The following WWOX variants were observed in gnomAD, a reference collection of about 807,000 sequenced individuals.
The protein encoded by WWOX is WW domain-containing oxidoreductase.
In WWOX, 69 loss-of-function variants were observed where a neutral mutation model predicts 46.2. The observed-to-expected ratio is 1.49, with a 90% CI of 1.23 to 1.82. The LOEUF (loss-of-function observed/expected upper bound fraction) is 1.82, where lower values mean the gene tolerates loss of function less well. Ranked by LOEUF, WWOX falls within the 40% of genes most tolerant of loss-of-function variation. WWOX has a pLI of 0.00. For missense variants in WWOX, 919 were observed against 542.6 expected, an observed-to-expected ratio of 1.69 and a Z score of -6.89; for synonymous variants, 359 against 202.6, an observed-to-expected ratio of 1.77 and a Z score of -6.56.
intron 8 of WWOX, among the ~76,000 whole-genome samples, chr16:78,940,478 A>G (rs776872453): frequency 1.3e-5 from 2 of 152,198 alleles, no homozygotes; most frequent in Non-Finnish European, 2.9e-5. Context: ...CAGGAGGAGT[A>G]TCCGGTGTTA....
At chr16:78,495,056 A>T (rs7200796) in intron 8 of WWOX, among the ~76,000 whole-genome samples, 100 of 152,112 alleles carry the variant, frequency 6.6e-4, no homozygotes, top group African/African-American at 2.3e-3. Context: ...TCATTGATTT[A>T]TATTTTTAAA....
At chr16:78,918,790 A>G (rs1263342649) in intron 8 of WWOX, among the ~76,000 whole-genome samples, 1 of 152,148 alleles carries the variant, frequency 6.6e-6, no homozygotes, top group Non-Finnish European at 1.5e-5. Flanking sequence ...TACTTGTCTA[A>G]GCTCTATATT....
In WWOX at chr16:78,571,500, C is replaced by A. The variant is rs139524990; in HGVS notation, c.1056+138748C>A. 2.0e-5 allele frequency among the ~76,000 whole-genome samples: 3 copies of A among 152,222 alleles called. No individual in the cohort carries two copies. The East Asian group carries it at 5.8e-4, about 29-fold the overall frequency. ...AACTTGACATGTGGATTTTAAAGGG[C>A]AAGTGCCTTAGAATACAAACTGTCC... On this transcript the variant is annotated intron_variant, in intron 8 of 8. Transcript: ENST00000566780.
chr16:78,344,181 G>C lies in WWOX; in HGVS notation c.517-42679G>C, dbSNP rs60637230. Among the ~76,000 whole-genome samples the C allele has an allele frequency of 2.5e-5, 3 of 119,502 alleles. 1 individual carries two copies. In the South Asian group the frequency reaches 7.6e-4, roughly 30 times the overall value. The allele number at this position is 119,502 out of a possible 152,430, so 78.4% of individuals were successfully genotyped here. On this transcript the variant is annotated intron_variant, in intron 5 of 8. Transcript: ENST00000566780. The stretch of plus-strand genomic sequence containing the variant: ...ATCATCCTCGGGCAGGTGCAGGGGA[G>C]AATGGCTGGTATTTATGAGTGAATG...
intron 8 of WWOX, among the ~76,000 whole-genome samples, chr16:78,978,309 T>C (rs1315050381): frequency 6.6e-6 from 1 of 152,224 alleles, no homozygotes. Context: ...AATAATTGCA[T>C]ATGAGTATTT....
At chr16:78,568,183 C>G (rs895468140) in intron 8 of WWOX, among the ~76,000 whole-genome samples, 3 of 152,162 alleles carry the variant, frequency 2.0e-5, no homozygotes, top group Admixed American at 6.5e-5. Flanking sequence ...AAATCATCCT[C>G]TGAAAAACTC....
chr16:78,745,533 T>TTA (rs2049328592), intron 8 of WWOX, among the ~76,000 whole-genome samples: 1 of 150,340 alleles, frequency 6.7e-6, no homozygotes, highest in African/African-American at 2.5e-5. Context: ...TTTTTTTTTT[T>TTA]TTTTTTTTTT....
chr16:78,843,723 A>G (rs1323859714), intron 8 of WWOX, among the ~76,000 whole-genome samples: 1 of 152,234 alleles, frequency 6.6e-6, no homozygotes, highest in Non-Finnish European at 1.5e-5. Context: ...GTAAGTCCAC[A>G]AAACAAAGAC....
chr16:79,060,715 G>A (rs1361989186), intron 8 of WWOX, among the ~76,000 whole-genome samples: 1 of 152,200 alleles, frequency 6.6e-6, no homozygotes, highest in Non-Finnish European at 1.5e-5. Flanking sequence ...TAACCAATGA[G>A]GCCATTGTCA....
At chr16:78,972,638 C>T (rs1038255199) in intron 8 of WWOX, among the ~76,000 whole-genome samples, 1 of 152,134 alleles carries the variant, frequency 6.6e-6, no homozygotes, top group Admixed American at 6.5e-5. Flanking sequence ...GCACATCCCA[C>T]CCTCTGTTTC....
intron 1 of WWOX, among the ~76,000 whole-genome samples, chr16:78,104,191 G>A (rs929830682): frequency 8.8e-5 from 13 of 148,550 alleles, no homozygotes; most frequent in Admixed American, 1.3e-4. Flanking sequence ...TGTCCTCACC[G>A]TGAAGTCTAG....
At chr16:78,564,102 C>T (rs866098435) in intron 8 of WWOX, among the ~76,000 whole-genome samples, 49 of 152,326 alleles carry the variant, frequency 3.2e-4, no homozygotes, top group African/African-American at 1.0e-3. Context: ...AACCTACAGA[C>T]GCAACTGCCT....
chr16:79,040,439 A>G (rs117868651), intron 8 of WWOX, among the ~76,000 whole-genome samples: 9 of 151,800 alleles, frequency 5.9e-5, no homozygotes, highest in African/African-American at 2.2e-4. Flanking sequence ...ATGGCCAGAT[A>G]ATTGTTTTGC....
chr16:78,753,618 C>G (rs747533368), intron 8 of WWOX, among the ~76,000 whole-genome samples: 111 of 151,338 alleles, frequency 7.3e-4, no homozygotes, highest in South Asian at 2.1e-3. Flanking sequence ...TGGCTAACAT[C>G]ATGAAATCCC....
At chr16:78,386,190 G>A (rs1462839866) in intron 5 of WWOX, among the ~76,000 whole-genome samples, 1 of 152,150 alleles carries the variant, frequency 6.6e-6, no homozygotes, top group African/African-American at 2.4e-5. Flanking sequence ...GTTGTTAGGA[G>A]CCTTGAGTGA....
chr16:78,428,641 A>C (rs1008397203), intron 7 of WWOX, among the ~76,000 whole-genome samples: 1 of 152,214 alleles, frequency 6.6e-6, no homozygotes, highest in African/African-American at 2.4e-5. Context: ...CATTTAATTC[A>C]CTTAGTGTTC....
intron 5 of WWOX, among the ~76,000 whole-genome samples, chr16:78,231,621 G>C (rs914187489): frequency 6.6e-6 from 1 of 152,116 alleles, no homozygotes; most frequent in African/African-American, 2.4e-5. Context: ...CGTGGCATCG[G>C]AGTAGCTCGA....
chr16:79,187,888 G>T (rs2051050578), intron 8 of WWOX, among the ~76,000 whole-genome samples: 1 of 152,210 alleles, frequency 6.6e-6, no homozygotes, highest in Non-Finnish European at 1.5e-5. Context: ...AATTATGAAT[G>T]AATTCTTCTG....
chr16:78,822,948 T>G (rs1403550195), intron 8 of WWOX, among the ~76,000 whole-genome samples: 2 of 151,972 alleles, frequency 1.3e-5, no homozygotes, highest in Non-Finnish European at 2.9e-5. Context: ...AAAAAGGAAT[T>G]AGAAACAGAG....
Sources: gnomAD v4.1 joint callset for allele counts (sites outside exome capture counted in the v4.1 genomes callset) on GRCh38, gnomAD v4.1.1 for gene constraint, MANE v1.5 for transcripts, NCBI Gene and HGNC (gene_info 2026-07-23, HGNC 2026-07-21) for gene names.